ST3GAL2: variants seen among roughly 807,000 people sequenced by gnomAD.
ST3GAL2 encodes the protein CMP-N-acetylneuraminate-beta-galactosamide-alpha-2,3-sialyltransferase 2.
ST3GAL2 carries 16 observed loss-of-function variants against 37.5 expected under a neutral mutation model. The ratio of observed to expected loss-of-function variants is 0.43; its 90% confidence interval spans 0.29 to 0.65. The LOEUF (loss-of-function observed/expected upper bound fraction) is 0.65. Ranked by LOEUF, ST3GAL2 falls within the 30% of genes least tolerant of loss-of-function variation. ST3GAL2 has a pLI of 0.17. For missense variants in ST3GAL2, 383 were observed against 487.8 expected (o/e 0.79, Z 2.02); for synonymous variants, 238 against 202.9 (o/e 1.17, Z -1.47).
chr16:70,419,616 T>C (rs2047700112), intron 1 of ST3GAL2, among the ~76,000 whole-genome samples: 1 of 152,186 alleles, frequency 6.6e-6, no homozygotes, highest in Admixed American at 6.5e-5. Flanking sequence ...CTGTGAGAGC[T>C]TCTGGGACAT....
At position 70,379,017 on chromosome 16, in the gene ST3GAL2, TAAA is replaced by T. The variant is rs1567662766; in HGVS notation, c.*2669_*2671del. 1 of 151,908 alleles carries T rather than the reference TAAA, an allele frequency of 6.6e-6. No homozygotes were observed. The highest frequency in any genetic ancestry group is 1.5e-5 in the Non-Finnish European group (1 of 68,022). The allele number at this position is 151,908 out of a possible 1,614,324, so 9.4% of individuals were successfully genotyped here. ...TGTCTCAATAAATAAATAAATTAAA[TAAA>T]TAAAAATGCGGGTTGCCTGTGGCAT... On this transcript the variant is annotated 3_prime_UTR_variant, in exon 7 of 7. Coordinates refer to ENST00000342907, the MANE Select transcript of ST3GAL2 (RefSeq NM_006927.4).
intron 1 of ST3GAL2, among the ~76,000 whole-genome samples, chr16:70,421,725 C>A (rs1224339280): frequency 2.0e-5 from 3 of 152,154 alleles, no homozygotes; most frequent in Non-Finnish European, 4.4e-5. Flanking sequence ...CCAGCCCAGG[C>A]TGGAGTGCAG....
At chr16:70,412,820 G>A (rs936851439) in intron 1 of ST3GAL2, among the ~76,000 whole-genome samples, 1 of 151,914 alleles carries the variant, frequency 6.6e-6, no homozygotes. Context: ...GCCTAAGCAG[G>A]CGGATCACTT....
chr16:70,400,700 G>C (rs2047549084), intron 1 of ST3GAL2: 1 of 152,282 alleles, frequency 6.6e-6, no homozygotes, highest in African/African-American at 2.4e-5. Flanking sequence ...ACTTACCTAA[G>C]GTCACGACGT....
intron 1 of ST3GAL2, among the ~76,000 whole-genome samples, chr16:70,429,470 G>A (rs1423016916): frequency 6.6e-6 from 1 of 151,386 alleles, no homozygotes; most frequent in Non-Finnish European, 1.5e-5. Flanking sequence ...GCAGATGCCT[G>A]TAGTCCCAGC....
intron 1 of ST3GAL2, among the ~76,000 whole-genome samples, chr16:70,411,597 C>T (rs2047638775): frequency 6.6e-6 from 1 of 152,070 alleles, no homozygotes; most frequent in Admixed American, 6.6e-5. Context: ...CTGCCCCAAC[C>T]CTGGAACTAC....
At chr16:70,404,461 T>C (rs1489578415) in intron 1 of ST3GAL2, among the ~76,000 whole-genome samples, 2 of 152,082 alleles carry the variant, frequency 1.3e-5, no homozygotes, top group African/African-American at 4.8e-5. Flanking sequence ...ACGTCATTAA[T>C]CATCAGGGAA....
intron 3 of ST3GAL2, among the ~76,000 whole-genome samples, chr16:70,394,518 C>T (rs1274953317): frequency 1.3e-5 from 2 of 152,152 alleles, no homozygotes; most frequent in African/African-American, 4.8e-5. Context: ...GCTGGAAATA[C>T]AGACACGCCA....
rs796119799 is a variant in ST3GAL2, at chr16:70,414,697, G to C, written c.-1003-15164C>G. 6.6e-5 allele frequency among the ~76,000 whole-genome samples: 10 copies of C among 152,092 alleles called. 1 individual carries two copies. The highest frequency in any genetic ancestry group is 2.4e-4 in the African/African-American group (10 of 41,506). ...ATTCTGTTTGTTTATTTTTGAGATAGAGTCTCACTCTGTCATCCAGGCTGT... is the reference window on the plus strand; with the variant it reads ...ATTCTGTTTGTTTATTTTTGAGATACAGTCTCACTCTGTCATCCAGGCTGT... On this transcript the variant is annotated intron_variant, in intron 1 of 6. Coordinates refer to ENST00000342907, the MANE Select transcript of ST3GAL2 (RefSeq NM_006927.4).
At chr16:70,400,038 C>T (rs1309594495) in intron 1 of ST3GAL2, 1 of 152,306 alleles carries the variant, frequency 6.6e-6, no homozygotes, top group Non-Finnish European at 1.5e-5. Context: ...TGGGTCCACT[C>T]AATGAACCAT....
At chr16:70,431,422 A>T (rs1280473438) in intron 1 of ST3GAL2, among the ~76,000 whole-genome samples, 3 of 152,204 alleles carry the variant, frequency 2.0e-5, no homozygotes, top group Non-Finnish European at 4.4e-5. Context: ...GCAACACCTC[A>T]GGGTCCCCTC....
At chr16:70,396,157 T>G (rs2047514721) in intron 2 of ST3GAL2, among the ~76,000 whole-genome samples, 2 of 151,742 alleles carry the variant, frequency 1.3e-5, no homozygotes, top group Admixed American at 6.6e-5. Flanking sequence ...TTTTAGTAGA[T>G]ATGGGGTTTC....
chr16:70,420,260 G>A (rs894240984), intron 1 of ST3GAL2, among the ~76,000 whole-genome samples: 3 of 152,046 alleles, frequency 2.0e-5, no homozygotes, highest in Admixed American at 1.3e-4. Flanking sequence ...ATGGCAGTTC[G>A]TGGGCTAAAC....
At position 70,377,478 on chromosome 16, in the gene ST3GAL2, TGAAAAAAA is replaced by T. The variant is rs2047358012; in HGVS notation, c.*4203_*4210del. ...CTGGGCAATGGAGAGAGACTCCATC[TGAAAAAAA>T]AAAAAAAAAAAGAGAAAAGCCTCCA... On this transcript the variant is annotated 3_prime_UTR_variant, in exon 7 of 7. Transcript: ENST00000342907. 2 of 117,626 alleles carry T rather than the reference TGAAAAAAA, an allele frequency of 1.7e-5. No individual in the cohort carries two copies. The highest frequency in any genetic ancestry group is 8.7e-5 in the African/African-American group (2 of 23,110). The allele number at this position is 117,626 out of a possible 1,614,324, so 7.3% of individuals were successfully genotyped here. A position where few individuals can be genotyped will look rare whatever the true frequency, so the allele number is the denominator to read the frequency against.
intron 1 of ST3GAL2, among the ~76,000 whole-genome samples, chr16:70,408,523 G>A (rs2047609718): frequency 6.6e-6 from 1 of 152,052 alleles, no homozygotes; most frequent in Admixed American, 6.6e-5. Context: ...CACCCTGCTT[G>A]GTTAACTGAA....
intron 1 of ST3GAL2, among the ~76,000 whole-genome samples, chr16:70,417,384 G>A (rs956532911): frequency 3.9e-5 from 6 of 151,968 alleles, no homozygotes; most frequent in African/African-American, 4.8e-5. Context: ...CAGGAAGGTT[G>A]CGGTTTCAGG....
At chr16:70,410,565 T>C (rs1247826907) in intron 1 of ST3GAL2, among the ~76,000 whole-genome samples, 1 of 151,824 alleles carries the variant, frequency 6.6e-6, no homozygotes, top group Non-Finnish European at 1.5e-5. Context: ...CCCTCACCAC[T>C]TTTTTTCCCC....
intron 4 of ST3GAL2, among the ~76,000 whole-genome samples, chr16:70,386,448 C>A (rs1357105018): frequency 6.6e-6 from 1 of 151,782 alleles, no homozygotes; most frequent in Non-Finnish European, 1.5e-5. Flanking sequence ...CGCCTGGTCT[C>A]TCAAAGTGCT....
chr16:70,415,090 G>A (rs1029243725), intron 1 of ST3GAL2, among the ~76,000 whole-genome samples: 3 of 152,140 alleles, frequency 2.0e-5, no homozygotes, highest in African/African-American at 7.2e-5. Flanking sequence ...TAGCCAGGAT[G>A]GTCTCGATCT....
Sources: gnomAD v4.1 joint callset for allele counts (sites outside exome capture counted in the v4.1 genomes callset) on GRCh38, gnomAD v4.1.1 for gene constraint, MANE v1.5 for transcripts, NCBI Gene and HGNC (gene_info 2026-07-23, HGNC 2026-07-21) for gene names.